The following BTBD1 variants were observed in gnomAD, a reference collection of about 807,000 sequenced individuals.
BTBD1 encodes BTB/POZ domain-containing protein 1.
BTBD1 carries 34 observed loss-of-function variants against 48.0 expected under a neutral mutation model. The observed-to-expected ratio is 0.71, with a 90% CI of 0.54 to 0.94. The LOEUF (loss-of-function observed/expected upper bound fraction) is 0.94, where lower values mean the gene tolerates loss of function less well. BTBD1 is among the 40% of genes least tolerant of loss of function. The probability of loss-of-function intolerance (pLI) is 0.00; values close to 1 mark genes in which losing one functional copy is unlikely to be tolerated. For missense variants in BTBD1, 543 were observed against 625.6 expected (o/e 0.87, Z 1.41); for synonymous variants, 261 against 242.1 (o/e 1.08, Z -0.72).
At chr15:83,061,288 T>C (rs1245172750) in intron 1 of BTBD1, among the ~76,000 whole-genome samples, 1 of 152,204 alleles carries the variant, frequency 6.6e-6, no homozygotes, top group Non-Finnish European at 1.5e-5. Flanking sequence ...TATTATAATC[T>C]TATGGGTCCA....
intron 4 of BTBD1, among the ~76,000 whole-genome samples, chr15:83,041,462 G>A (rs1015813048): frequency 1.3e-5 from 2 of 151,210 alleles, no homozygotes; most frequent in Non-Finnish European, 2.9e-5. Context: ...TGCAACCTCC[G>A]TCTCCTGGGT....
chr15:83,044,303 T>C (rs572527920), intron 3 of BTBD1: 287 of 838,344 alleles, frequency 3.4e-4, no homozygotes, highest in Non-Finnish European at 4.7e-4. Flanking sequence ...AATACCCCAG[T>C]TCGACAGCAA....
chr15:83,049,103 C>A (rs1761612513), intron 3 of BTBD1, among the ~76,000 whole-genome samples: 1 of 152,150 alleles, frequency 6.6e-6, no homozygotes, highest in Admixed American at 6.6e-5. Flanking sequence ...AAATCATTTT[C>A]CAATCCACTT....
intron 3 of BTBD1, among the ~76,000 whole-genome samples, chr15:83,046,559 A>G (rs2151308845): frequency 2.0e-5 from 3 of 152,336 alleles, no homozygotes; most frequent in Middle Eastern, 6.8e-3. Context: ...AACGGCATGC[A>G]TAATTTAAGA....
rs764788246 is a variant in BTBD1, at chr15:83,056,521, T to C, written c.426A>G (p.Gln142=). 1.9e-6 allele frequency: 3 copies of C among 1,613,768 alleles called. No individual in the cohort carries two copies. Among genetic ancestry groups the C allele is most frequent in the African/African-American group, 1.3e-5 (1 of 74,934 alleles). ...LLRFLYSDEV[Q]IGPETVMTTL... ...TGGTCATAACTGTTTCTGGACCAAT[T>C]TGAACTTCATCTGAATATAGAAATC... The change falls in exon 2 of 8, where the codon CAA becomes CAG. Residue 142 remains glutamine (Q), a synonymous_variant. Coordinates refer to ENST00000261721, the MANE Select transcript of BTBD1 (RefSeq NM_025238.4).
chr15:83,049,599 TTTTTA>T (rs2032939895), intron 3 of BTBD1, among the ~76,000 whole-genome samples: 1 of 152,026 alleles, frequency 6.6e-6, no homozygotes, highest in Non-Finnish European at 1.5e-5. Flanking sequence ...TTTTTTTTAA[TTTTTA>T]TTTTAAGTTC....
intron 6 of BTBD1, among the ~76,000 whole-genome samples, chr15:83,019,435 T>C (rs8031896): frequency 0.23 from 35,335 of 151,124 alleles, 4,268 homozygotes; most frequent in Middle Eastern, 0.39. Context: ...AAGCAATCCT[T>C]CCACATCGGC....
chr15:83,046,071 T>C (rs1161969318), intron 3 of BTBD1, among the ~76,000 whole-genome samples: 1 of 152,230 alleles, frequency 6.6e-6, no homozygotes, highest in South Asian at 2.1e-4. Context: ...AAGCCAGCCC[T>C]TTCTTTCAGC....
rs116532743 is a variant in BTBD1, at chr15:83,030,193, T to C, written c.998A>G (p.Asn333Ser). ...GCGGCTTTCTACTTGCTGGAATCTA[T>C]TGATGCAGCATTCCTTTCCCCTGAG... The part of the protein sequence containing the change: ...CCLRGKECCI[N>S]RFQQVESRWG... The change falls in exon 5 of 8, where the codon AAT becomes AGT. Residue 333 changes from asparagine (N) to serine (S), a missense_variant. Asn to Ser is a conservative substitution (Grantham distance 46). Coordinates refer to ENST00000261721, the MANE Select transcript of BTBD1 (RefSeq NM_025238.4). The C allele has an allele frequency of 2.7e-5, 43 of 1,614,096 alleles. No individual in the cohort carries two copies. Among genetic ancestry groups the C allele is most frequent in the East Asian group, 6.7e-5 (3 of 44,868 alleles).
rs2032360974 is a variant in BTBD1 at position 83,024,239 on chromosome 15, A to G, written c.1056-3477T>C. ...TTACTGCCCACTGGATTTTCTCTCT[A>G]ATGAAATACCCAACTCATGTTCTTT... On this transcript the variant is annotated intron_variant, in intron 5 of 7. Transcript: ENST00000261721. The G allele has an allele frequency of 2.0e-5, 3 of 152,186 alleles. 1 individual carries two copies. The highest frequency in any genetic ancestry group is 2.0e-4 in the Admixed American group (3 of 15,270). The allele number at this position is 152,186 out of a possible 1,614,324, so 9.4% of individuals were successfully genotyped here.
chr15:83,040,699 C>CAAAAAAAAAAAAA (rs71156070), intron 4 of BTBD1, among the ~76,000 whole-genome samples: 15 of 57,236 alleles, frequency 2.6e-4, no homozygotes, highest in Non-Finnish European at 2.1e-4. Flanking sequence ...GACCCTGTCT[C>CAAAAAAAAAAAAA]AAAAAAAAAA....
chr15:83,047,138 G>A (rs1230471542), intron 3 of BTBD1, among the ~76,000 whole-genome samples: 3 of 152,124 alleles, frequency 2.0e-5, no homozygotes, highest in Non-Finnish European at 1.5e-5. Flanking sequence ...TTACAATTTA[G>A]GAGAGAAAAG....
intron 3 of BTBD1, among the ~76,000 whole-genome samples, chr15:83,046,009 C>T (rs987642879): frequency 1.3e-5 from 2 of 152,046 alleles, no homozygotes; most frequent in African/African-American, 4.8e-5. Flanking sequence ...TATTCAAATC[C>T]CGGAGGAGAA....
chr15:83,037,009 T>C (rs371066342), intron 4 of BTBD1, among the ~76,000 whole-genome samples: 3 of 152,162 alleles, frequency 2.0e-5, no homozygotes, highest in South Asian at 2.1e-4. Flanking sequence ...AATTTTACTA[T>C]ATGGATGTTA....
chr15:83,017,447 A>G lies in BTBD1; in HGVS notation c.*620T>C, dbSNP rs2032191899. 1 of 152,658 alleles carries G rather than the reference A, an allele frequency of 6.6e-6. No individual in the cohort carries two copies. The highest frequency in any genetic ancestry group is 1.5e-5 in the Non-Finnish European group (1 of 68,040). The allele number at this position is 152,658 out of a possible 1,614,324, so 9.5% of individuals were successfully genotyped here. The stretch of plus-strand genomic sequence containing the variant: ...GCTTTAAAACTGTACTACATAACAC[A>G]TTACTATACTACTACAAAATATCCT... On this transcript the variant is annotated 3_prime_UTR_variant, in exon 8 of 8. Transcript: ENST00000261721.
At chr15:83,053,456 GAAACACTGGTGTCA>G (rs2033029746) in intron 2 of BTBD1, among the ~76,000 whole-genome samples, 1 of 152,026 alleles carries the variant, frequency 6.6e-6, no homozygotes, top group South Asian at 2.1e-4. Context: ...ATGTACTCCA[GAAACACTGGTGTCA>G]TCTGAATGCC....
At chr15:83,036,884 G>A (rs1596432901) in intron 4 of BTBD1, among the ~76,000 whole-genome samples, 2 of 152,118 alleles carry the variant, frequency 1.3e-5, no homozygotes, top group African/African-American at 4.8e-5. Context: ...ATAGAAGACA[G>A]AAAGTAGTCA....
chr15:83,061,255 G>A (rs2151315025), intron 1 of BTBD1, among the ~76,000 whole-genome samples: 1 of 152,228 alleles, frequency 6.6e-6, no homozygotes, highest in Middle Eastern at 3.4e-3. Flanking sequence ...TCTAAACATG[G>A]AAAATGCACA....
intron 3 of BTBD1, among the ~76,000 whole-genome samples, chr15:83,047,103 G>A (rs986819154): frequency 6.6e-6 from 1 of 152,178 alleles, no homozygotes; most frequent in Non-Finnish European, 1.5e-5. Context: ...TTGTACACGA[G>A]ACAAAGTCCC....
Sources: gnomAD v4.1 joint callset for allele counts (sites outside exome capture counted in the v4.1 genomes callset) on GRCh38, gnomAD v4.1.1 for gene constraint, MANE v1.5 for transcripts, NCBI Gene and HGNC (gene_info 2026-07-23, HGNC 2026-07-21) for gene names.